The following MALRD1 variants were observed in gnomAD, a reference collection of about 807,000 sequenced individuals.
MALRD1 encodes the protein MAM and LDL-receptor class A domain-containing protein 1.
A neutral mutation model predicts 242.1 loss-of-function variants in MALRD1; 247 were observed. The observed-to-expected ratio is 1.02, with a 90% confidence interval of 0.92 to 1.13. The LOEUF (loss-of-function observed/expected upper bound fraction) is 1.13. Among genes scored for constraint, MALRD1 ranks in the 50% most tolerant of loss-of-function variants. The pLI is 0.00. For synonymous variants in MALRD1, 995 were observed against 866.6 expected, an observed-to-expected ratio of 1.15 and a Z score of -2.60; for missense variants, 2,989 against 2,533.1, an observed-to-expected ratio of 1.18 and a Z score of -3.86.
intron 10 of MALRD1, among the ~76,000 whole-genome samples, chr10:19,138,800 A>G (rs1460853706): frequency 6.6e-6 from 1 of 152,130 alleles, no homozygotes; most frequent in Non-Finnish European, 1.5e-5. Context: ...ACCTTTAAAA[A>G]ATTGTTTAGC....
chr10:19,650,974 C>A (rs903256760), intron 36 of MALRD1, among the ~76,000 whole-genome samples: 2 of 152,258 alleles, frequency 1.3e-5, no homozygotes, highest in South Asian at 4.1e-4. Flanking sequence ...TCCAAACCCA[C>A]TGAGTGGATA....
At chr10:19,651,778 G>A (rs537440758) in intron 36 of MALRD1, among the ~76,000 whole-genome samples, 2 of 152,304 alleles carry the variant, frequency 1.3e-5, no homozygotes, top group South Asian at 2.1e-4. Context: ...ATCAGAGAGT[G>A]GGGCTTGATT....
intron 29 of MALRD1, among the ~76,000 whole-genome samples, chr10:19,466,303 G>A (rs997713270): frequency 6.6e-6 from 1 of 151,994 alleles, no homozygotes; most frequent in Non-Finnish European, 1.5e-5. Flanking sequence ...TAATTTTGAT[G>A]AAAATTTTTT....
chr10:19,543,433 C>CTTTTT (rs71388849), intron 32 of MALRD1, among the ~76,000 whole-genome samples: 21 of 106,430 alleles, frequency 2.0e-4, no homozygotes, highest in African/African-American at 7.2e-4. Flanking sequence ...CAGCTGATTT[C>CTTTTT]TTTTTTTTTT....
At chr10:19,627,760 A>T (rs796249341) in intron 36 of MALRD1, among the ~76,000 whole-genome samples, 3 of 117,544 alleles carry the variant, frequency 2.6e-5, no homozygotes, top group African/African-American at 4.3e-5. Flanking sequence ...AAGACTGTCT[A>T]AAAAAAAAAA....
chr10:19,058,181 C>G (rs1834722752), intron 1 of MALRD1, among the ~76,000 whole-genome samples: 3 of 152,108 alleles, frequency 2.0e-5, no homozygotes, highest in Non-Finnish European at 4.4e-5. Flanking sequence ...AAAGAAAACG[C>G]CAGAGGACAC....
At position 19,091,620 on chromosome 10, in the gene MALRD1, G is replaced by A. The variant is rs1453994797; in HGVS notation, c.597+3435G>A. 7.9e-5 allele frequency among the ~76,000 whole-genome samples: 5 copies of A among 63,632 alleles called. 2 individuals are homozygous for A. The South Asian group carries it at 2.5e-3, about 32-fold the overall frequency. The allele number at this position is 63,632 out of a possible 152,430, so 41.7% of individuals were successfully genotyped here. ...TCTGCTCTGATTTTAGTTATTTCTT[G>A]CCTTCTGCTAGCTTTTGAATGAGTT... On this transcript the variant is annotated intron_variant, in intron 4 of 39. Coordinates refer to ENST00000454679, the MANE Select transcript of MALRD1 (RefSeq NM_001142308.3).
chr10:19,291,864 C>T (rs935764729), intron 21 of MALRD1, among the ~76,000 whole-genome samples: 2 of 151,858 alleles, frequency 1.3e-5, no homozygotes, highest in South Asian at 2.1e-4. Flanking sequence ...GCGGGTGGAT[C>T]ACTTGATGTC....
intron 28 of MALRD1, among the ~76,000 whole-genome samples, chr10:19,420,251 G>A (rs556502749): frequency 8.4e-4 from 128 of 152,174 alleles, no homozygotes; most frequent in Non-Finnish European, 1.5e-3. Context: ...CAGGAAAAAT[G>A]TTTATGACAG....
chr10:19,261,462 T>C (rs76098949), intron 19 of MALRD1, among the ~76,000 whole-genome samples: 1 of 136,670 alleles, frequency 7.3e-6, no homozygotes, highest in Non-Finnish European at 1.6e-5. Flanking sequence ...AAAAAAAAAA[T>C]GTTACTCTTG....
chr10:19,163,371 G>A (rs894431736), intron 12 of MALRD1, among the ~76,000 whole-genome samples: 1 of 151,886 alleles, frequency 6.6e-6, no homozygotes, highest in Non-Finnish European at 1.5e-5. Flanking sequence ...TGGAGCTGGA[G>A]GCCATTATCC....
chr10:19,360,848 G>A (rs1339753652), intron 26 of MALRD1, among the ~76,000 whole-genome samples: 2 of 151,988 alleles, frequency 1.3e-5, no homozygotes, highest in Non-Finnish European at 2.9e-5. Flanking sequence ...TTATTGTACT[G>A]CAATATTTGT....
intron 36 of MALRD1, among the ~76,000 whole-genome samples, chr10:19,631,987 A>G (rs1452920276): frequency 6.6e-6 from 1 of 152,144 alleles, no homozygotes; most frequent in East Asian, 1.9e-4. Context: ...ATAATTGTAT[A>G]GCAGTATCAG....
At chr10:19,506,583 G>GAT (rs754924780) in intron 31 of MALRD1, among the ~76,000 whole-genome samples, 109 of 150,982 alleles carry the variant, frequency 7.2e-4, no homozygotes, top group Non-Finnish European at 1.2e-3. Flanking sequence ...ATATTGTTGA[G>GAT]ATATATATAT....
At chr10:19,676,354 G>C (rs1164796805) in intron 36 of MALRD1, among the ~76,000 whole-genome samples, 2 of 152,204 alleles carry the variant, frequency 1.3e-5, no homozygotes, top group South Asian at 2.1e-4. Flanking sequence ...GCAGATTCAG[G>C]ATGGGCAGGA....
intron 1 of MALRD1, chr10:19,051,783 G>T: frequency 6.3e-6 from 1 of 158,700 alleles, no homozygotes; most frequent in Non-Finnish European, 1.4e-5. Flanking sequence ...TTATCAGGGT[G>T]TGGTGGCAGG....
chr10:19,209,502 C>A lies in MALRD1; in HGVS notation c.2813C>A (p.Thr938Lys). 1 of 1,550,714 alleles carries A rather than the reference C, an allele frequency of 6.4e-7. No homozygotes were observed. Among genetic ancestry groups the A allele is most frequent in the Non-Finnish European group, 8.7e-7 (1 of 1,147,022 alleles). Reference protein sequence around the residue: ...LLSPILNATDTKGCTFRFYYH... With the variant: ...LLSPILNATDKKGCTFRFYYH... ...AGCCCAATCCTTAATGCCACTGATA[C>A]AAAAGGCTGCACCTTCCGCTTCTAT... The change falls in exon 18 of 40, where the codon ACA becomes AAA. Residue 938 changes from threonine (T) to lysine (K), a missense_variant. Thr to Lys is a moderately conservative substitution (Grantham distance 78). Transcript: ENST00000454679.
chr10:19,595,554 T>G, intron 34 of MALRD1, 97 bp downstream of exon 34: 1 of 1,309,048 alleles, frequency 7.6e-7, no homozygotes, highest in Non-Finnish European at 1.0e-6. Flanking sequence ...TCTAGAGCCT[T>G]ACCGTGATTG....
chr10:19,341,310 T>A (rs1459711742), intron 24 of MALRD1, among the ~76,000 whole-genome samples: 1 of 151,674 alleles, frequency 6.6e-6, no homozygotes, highest in African/African-American at 2.4e-5. Context: ...TGTCTGGCAT[T>A]TTTTCTAGTT....
Sources: allele counts gnomAD v4.1 joint callset (sites outside exome capture counted in the v4.1 genomes callset), GRCh38; gene constraint gnomAD v4.1.1; transcripts MANE v1.5; gene names NCBI Gene and HGNC (gene_info 2026-07-23, HGNC 2026-07-21).